The following NTM variants were observed in gnomAD, a reference collection of about 807,000 sequenced individuals.
The protein encoded by NTM is neurotrimin.
NTM carries 13 observed loss-of-function variants against 42.1 expected under a neutral mutation model. The ratio of observed to expected loss-of-function variants is 0.31; its 90% confidence interval spans 0.20 to 0.49. The LOEUF (loss-of-function observed/expected upper bound fraction) is 0.49. NTM is among the 20% of genes least tolerant of loss of function. The pLI is 0.99. For missense variants in NTM, 373 were observed against 452.8 expected (o/e 0.82, Z 1.60); for synonymous variants, 187 against 179.2 (o/e 1.04, Z -0.35).
At chr11:131,375,687 G>GA (rs1249232937) in intron 1 of NTM, among the ~76,000 whole-genome samples, 11 of 152,262 alleles carry the variant, frequency 7.2e-5, no homozygotes, top group African/African-American at 1.4e-4. Flanking sequence ...AGGAGTTTCA[G>GA]AAAAAATAGC....
At chr11:131,533,572 A>G (rs529994306) in intron 1 of NTM, among the ~76,000 whole-genome samples, 2 of 152,296 alleles carry the variant, frequency 1.3e-5, no homozygotes, top group African/African-American at 4.8e-5. Context: ...GAAGATCAGA[A>G]TTTCTGGCTT....
At chr11:131,661,214 A>G (rs1422063261) in intron 1 of NTM, 2 of 362,892 alleles carry the variant, frequency 5.5e-6, no homozygotes, top group Non-Finnish European at 1.1e-5. Context: ...CTGTGACACA[A>G]TGGCCAGCAC....
chr11:131,500,464 A>C (rs987798928), intron 1 of NTM, among the ~76,000 whole-genome samples: 39 of 150,616 alleles, frequency 2.6e-4, no homozygotes, highest in African/African-American at 8.7e-4. Context: ...TATGCTGACT[A>C]TTACCTTCAT....
intron 1 of NTM, among the ~76,000 whole-genome samples, chr11:131,810,380 T>C (rs1215507072): frequency 1.3e-5 from 2 of 152,178 alleles, no homozygotes; most frequent in African/African-American, 4.8e-5. Context: ...GAATCTGATT[T>C]GTGGCAGTAC....
rs537743669 is a variant in NTM, at chr11:132,237,714, GA to G, written c.526+25569del. ...GCCAACTGTCCTCCCCTGTAAATCA[GA>G]AGCAGGGCAAGTAAAAGCTTGGATG... On this transcript the variant is annotated intron_variant, in intron 4 of 8. Transcript: ENST00000683400. Among the ~76,000 whole-genome samples the G allele has an allele frequency of 3.2e-3, 486 of 152,286 alleles. 3 individuals carry two copies. The highest frequency in any genetic ancestry group is 0.011 in the African/African-American group (464 of 41,568).
intron 2 of NTM, among the ~76,000 whole-genome samples, chr11:132,131,092 T>C (rs1053414139): frequency 2.0e-5 from 3 of 152,360 alleles, no homozygotes; most frequent in Middle Eastern, 6.8e-3. Context: ...TGTCATGAAA[T>C]GTCTGCTGCA....
At chr11:132,156,387 A>C (rs1209707422) in intron 3 of NTM, among the ~76,000 whole-genome samples, 2 of 152,142 alleles carry the variant, frequency 1.3e-5, no homozygotes, top group Admixed American at 1.3e-4. Flanking sequence ...TTTATCCTTC[A>C]GACTTTGACT....
At chr11:131,619,298 G>T (rs1176794103) in intron 1 of NTM, among the ~76,000 whole-genome samples, 5 of 152,116 alleles carry the variant, frequency 3.3e-5, no homozygotes, top group Non-Finnish European at 7.4e-5. Flanking sequence ...AAATAATAGG[G>T]GGAGGCAGCC....
intron 1 of NTM, among the ~76,000 whole-genome samples, chr11:131,497,360 T>C (rs318973): frequency 0.69 from 105,195 of 151,452 alleles, 36,773 homozygotes; most frequent in East Asian, 0.82. Context: ...GGCTAACTTT[T>C]GTATTTTTAG....
intron 4 of NTM, among the ~76,000 whole-genome samples, chr11:132,224,747 G>A (rs1253885271): frequency 1.3e-5 from 2 of 152,236 alleles, no homozygotes; most frequent in South Asian, 2.1e-4. Flanking sequence ...GATAGTGGGA[G>A]TGGAGAAGAG....
chr11:131,671,377 C>G (rs1052565477), intron 1 of NTM: 1 of 963,428 alleles, frequency 1.0e-6, no homozygotes, highest in African/African-American at 1.8e-5. Flanking sequence ...GCCAGGGACA[C>G]CTGTCTCCAT....
chr11:132,250,032 A>G (rs2091751912), intron 4 of NTM, among the ~76,000 whole-genome samples: 1 of 152,152 alleles, frequency 6.6e-6, no homozygotes, highest in Non-Finnish European at 1.5e-5. Flanking sequence ...TTCTGCCTTA[A>G]TCCTCTTTCG....
rs371905674 is a variant in NTM at position 131,430,160 on chromosome 11, A to G, written c.82+59272A>G. Among the ~76,000 whole-genome samples the G allele has an allele frequency of 2.0e-5, 3 of 152,360 alleles. No individual in the cohort carries two copies. The East Asian group carries it at 5.8e-4, about 29-fold the overall frequency. Reference sequence around the variant, plus strand: ...GACTATAGCCAGGAAGGGAGTGGCCATACAGAATTATTTAATGAACGCTGT... The same window carrying G: ...GACTATAGCCAGGAAGGGAGTGGCCGTACAGAATTATTTAATGAACGCTGT... On this transcript the variant is annotated intron_variant, in intron 1 of 8. Transcript: ENST00000683400.
intron 4 of NTM, among the ~76,000 whole-genome samples, chr11:132,281,987 GT>G (rs2093988269): frequency 6.6e-6 from 1 of 152,138 alleles, no homozygotes; most frequent in Non-Finnish European, 1.5e-5. Context: ...ATATTGTTAT[GT>G]TTCATTGCCA....
intron 1 of NTM, among the ~76,000 whole-genome samples, chr11:131,725,819 G>A (rs981530133): frequency 6.6e-6 from 1 of 152,194 alleles, no homozygotes; most frequent in Non-Finnish European, 1.5e-5. Context: ...TCTGGTTTGC[G>A]TGATGGCTCT....
intron 3 of NTM, among the ~76,000 whole-genome samples, chr11:132,183,307 A>G (rs146894893): frequency 1.2e-3 from 190 of 152,276 alleles, no homozygotes; most frequent in African/African-American, 4.4e-3. Context: ...CACTGGCCAC[A>G]TTTGGCAGTG....
At chr11:132,329,217 C>T (rs1314639192) in intron 7 of NTM, among the ~76,000 whole-genome samples, 1 of 152,204 alleles carries the variant, frequency 6.6e-6, no homozygotes, top group African/African-American at 2.4e-5. Context: ...CAAGGCATCA[C>T]TTTGATGCAA....
In NTM at chr11:132,301,153, A is replaced by G. The variant is rs1313172081; in HGVS notation, c.527-6536A>G. Among the ~76,000 whole-genome samples the G allele has an allele frequency of 3.9e-5, 6 of 152,324 alleles. No individual in the cohort carries two copies. In the South Asian group the frequency reaches 8.3e-4, roughly 21 times the overall value. ...GGCTGGGGAGGCCTCAGGAACTTACAATCAGGGCAGAAGGGGAAATAAACA... is the reference window on the plus strand; with the variant it reads ...GGCTGGGGAGGCCTCAGGAACTTACGATCAGGGCAGAAGGGGAAATAAACA... On this transcript the variant is annotated intron_variant, in intron 4 of 8. Transcript: ENST00000683400.
At chr11:131,933,560 T>C (rs2134120392) in intron 2 of NTM, among the ~76,000 whole-genome samples, 1 of 152,212 alleles carries the variant, frequency 6.6e-6, no homozygotes, top group East Asian at 1.9e-4. Flanking sequence ...TGTGCTGTGG[T>C]TTGCTCCTGA....
Sources: gnomAD v4.1 joint callset for allele counts (sites outside exome capture counted in the v4.1 genomes callset) on GRCh38, gnomAD v4.1.1 for gene constraint, MANE v1.5 for transcripts, NCBI Gene and HGNC (gene_info 2026-07-23, HGNC 2026-07-21) for gene names.